DLGAP1: variants seen among roughly 807,000 people sequenced by gnomAD.
DLGAP1 encodes DLG associated protein 1, also known as disks large-associated protein 1.
DLGAP1 carries 11 observed loss-of-function variants against 90.8 expected under a neutral mutation model. The ratio of observed to expected loss-of-function variants is 0.12; its 90% CI spans 0.08 to 0.20. DLGAP1 has a LOEUF of 0.20. Ranked by LOEUF, DLGAP1 falls within the 10% of genes least tolerant of loss-of-function variation. The pLI, the probability that DLGAP1 is intolerant of heterozygous loss-of-function variation, is 1.00. For missense variants in DLGAP1, 1,050 were observed against 1,333.8 expected, an observed-to-expected ratio of 0.79 and a Z score of 3.31; for synonymous variants, 558 against 540.7, an observed-to-expected ratio of 1.03 and a Z score of -0.44.
chr18:4,107,060 A>C (rs1356154316), intron 2 of DLGAP1, among the ~76,000 whole-genome samples: 2 of 152,268 alleles, frequency 1.3e-5, no homozygotes, highest in African/African-American at 2.4e-5. Context: ...AAAGAGAAAG[A>C]AAGCCACGCG....
intron 6 of DLGAP1, among the ~76,000 whole-genome samples, chr18:3,740,134 C>A (rs900521454): frequency 4.6e-5 from 7 of 152,120 alleles, no homozygotes; most frequent in African/African-American, 7.2e-5. Flanking sequence ...ATTTTTCCAA[C>A]AGAATATTTT....
chr18:3,848,882 G>A (rs1412155367), intron 4 of DLGAP1, among the ~76,000 whole-genome samples: 1 of 151,976 alleles, frequency 6.6e-6, no homozygotes, highest in Non-Finnish European at 1.5e-5. Context: ...GTTTTCAGAG[G>A]GCAAAGTAGA....
At chr18:3,605,925 A>G (rs1482281094) in intron 7 of DLGAP1, among the ~76,000 whole-genome samples, 1 of 152,230 alleles carries the variant, frequency 6.6e-6, no homozygotes, top group African/African-American at 2.4e-5. Context: ...TGTGTGAAAG[A>G]GAATTCATGA....
chr18:3,713,453 G>C lies in DLGAP1; in HGVS notation c.1591+15682C>G, dbSNP rs78051259. Among the ~76,000 whole-genome samples, 1,384 of 152,280 alleles carry C rather than the reference G, an allele frequency of 9.1e-3. 39 individuals carry two copies. The highest frequency in any genetic ancestry group is 0.055 in the Admixed American group (843 of 15,304). On this transcript the variant is annotated intron_variant, in intron 7 of 12. Coordinates refer to ENST00000315677, the MANE Select transcript of DLGAP1 (RefSeq NM_004746.4). Reference sequence around the variant, plus strand: ...AATTGGAAAGATTTGTGCATGTGGGGGAGGCTTCAGTCTAAAAGGGGAAAT... The same window carrying C: ...AATTGGAAAGATTTGTGCATGTGGGCGAGGCTTCAGTCTAAAAGGGGAAAT...
rs536921108 is a variant in DLGAP1, at chr18:4,216,294, C to A, written c.-266-65007G>T. On this transcript the variant is annotated intron_variant, in intron 1 of 12. Coordinates refer to ENST00000315677, the MANE Select transcript of DLGAP1 (RefSeq NM_004746.4). ...TAACCGCTCTCGTGATTAAATTACCCCCCCCCCACCAGGTCCCTCCCATGA... is the reference window on the plus strand; with the variant it reads ...TAACCGCTCTCGTGATTAAATTACCACCCCCCCACCAGGTCCCTCCCATGA... Among the ~76,000 whole-genome samples, 6 of 151,274 alleles carry A rather than the reference C, an allele frequency of 4.0e-5. 1 individual carries two copies. In the South Asian group the frequency reaches 1.3e-3, roughly 32 times the overall value.
At chr18:4,333,780 C>T (rs929021896) in intron 1 of DLGAP1, among the ~76,000 whole-genome samples, 5 of 151,174 alleles carry the variant, frequency 3.3e-5, no homozygotes, top group Admixed American at 2.6e-4. Context: ...CCACCACGCC[C>T]GGCTATTTTC....
At chr18:4,138,749 A>C (rs1216659198) in intron 2 of DLGAP1, among the ~76,000 whole-genome samples, 1 of 152,052 alleles carries the variant, frequency 6.6e-6, no homozygotes, top group Non-Finnish European at 1.5e-5. Context: ...AAAATTCATC[A>C]GTGAAACCAC....
chr18:3,690,859 T>C (rs1251231338), intron 7 of DLGAP1, among the ~76,000 whole-genome samples: 3 of 152,220 alleles, frequency 2.0e-5, no homozygotes, highest in African/African-American at 7.2e-5. Flanking sequence ...CCAAGACTTA[T>C]GATTCAGACA....
At chr18:4,353,844 T>C (rs1257528523) in intron 1 of DLGAP1, among the ~76,000 whole-genome samples, 1 of 152,128 alleles carries the variant, frequency 6.6e-6, no homozygotes, top group Non-Finnish European at 1.5e-5. Flanking sequence ...TTTAGGCACT[T>C]TGAAATCACT....
chr18:3,874,287 C>G, intron 4 of DLGAP1: 6 of 1,547,576 alleles, frequency 3.9e-6, no homozygotes, highest in Non-Finnish European at 5.2e-6. Flanking sequence ...GTCTTGCTCT[C>G]TCTCTCGCTC....
At chr18:4,449,418 T>G (rs2083760267) in intron 1 of DLGAP1, among the ~76,000 whole-genome samples, 1 of 152,160 alleles carries the variant, frequency 6.6e-6, no homozygotes, top group Non-Finnish European at 1.5e-5. Flanking sequence ...TACCAGGTAT[T>G]AACAGAGTAA....
intron 7 of DLGAP1, among the ~76,000 whole-genome samples, chr18:3,595,021 C>G (rs1213932577): frequency 6.6e-6 from 1 of 152,162 alleles, no homozygotes; most frequent in East Asian, 1.9e-4. Context: ...AAGCTTTTAT[C>G]TCTATGTGGC....
intron 3 of DLGAP1, chr18:3,962,469 C>T (rs1458762576): frequency 6.6e-6 from 1 of 152,156 alleles, no homozygotes; most frequent in African/African-American, 2.4e-5. Context: ...CAGCCTGGAA[C>T]CTTTATATAT....
chr18:3,920,760 G>A (rs892049199), intron 3 of DLGAP1, among the ~76,000 whole-genome samples: 4 of 23,596 alleles, frequency 1.7e-4, no homozygotes, highest in East Asian at 1.2e-3. Flanking sequence ...CGATCAATAC[G>A]CACATCTTAT....
At chr18:4,241,983 C>T (rs1265675408) in intron 1 of DLGAP1, among the ~76,000 whole-genome samples, 2 of 152,028 alleles carry the variant, frequency 1.3e-5, no homozygotes, top group Non-Finnish European at 2.9e-5. Context: ...CAAGCTATCC[C>T]TTATAGTCAT....
intron 4 of DLGAP1, among the ~76,000 whole-genome samples, chr18:3,818,253 T>C (rs1389861767): frequency 6.6e-6 from 1 of 151,730 alleles, no homozygotes; most frequent in Non-Finnish European, 1.5e-5. Flanking sequence ...CCATATGTTA[T>C]CATTCAGAAA....
chr18:3,855,084 T>C (rs1344812082), intron 4 of DLGAP1, among the ~76,000 whole-genome samples: 3 of 152,174 alleles, frequency 2.0e-5, no homozygotes, highest in Admixed American at 6.5e-5. Context: ...GCAGTACATA[T>C]ACACCACGGA....
rs954357552 is a variant in DLGAP1, at chr18:3,727,451, G to A, written c.1591+1684C>T. 2.0e-5 allele frequency among the ~76,000 whole-genome samples: 3 copies of A among 152,124 alleles called. No homozygotes were observed. Among genetic ancestry groups the A allele is most frequent in the Admixed American group, 1.3e-4 (2 of 15,270 alleles). Reference sequence around the variant, plus strand: ...GTGAGCCACCAGCCCTTTCCTTCCCGACTGTTCTCCTGAGAGCACCCCTTG... The same window carrying A: ...GTGAGCCACCAGCCCTTTCCTTCCCAACTGTTCTCCTGAGAGCACCCCTTG... On this transcript the variant is annotated intron_variant, in intron 7 of 12. Transcript: ENST00000315677. This position sits in a 1 kb window ranked among gnomAD's most constrained non-coding sequence, Gnocchi z 4.7.
intron 7 of DLGAP1, among the ~76,000 whole-genome samples, chr18:3,696,835 T>C (rs892640989): frequency 6.6e-6 from 1 of 152,148 alleles, no homozygotes; most frequent in Non-Finnish European, 1.5e-5. Context: ...CCTGGACTGT[T>C]TTGGTTGGTA....
Sources: gnomAD v4.1 joint callset for allele counts (sites outside exome capture counted in the v4.1 genomes callset) on GRCh38, gnomAD v4.1.1 for gene constraint, Gnocchi (gnomAD v3.1) non-coding constraint, MANE v1.5 for transcripts, NCBI Gene and HGNC (gene_info 2026-07-23, HGNC 2026-07-21) for gene names.